The following MCU variants were observed in gnomAD, a reference collection of about 807,000 sequenced individuals.
MCU encodes the protein calcium uniporter protein, mitochondrial.
Under a neutral mutation model 45.2 loss-of-function variants are expected in MCU, and 12 were observed. The ratio of observed to expected loss-of-function variants is 0.27; its 90% confidence interval spans 0.17 to 0.43. The LOEUF is 0.43. Ranked by LOEUF, MCU falls within the 20% of genes least tolerant of loss-of-function variation. The pLI, the probability that MCU is intolerant of heterozygous loss-of-function variation, is 1.00. For missense variants in MCU, 324 were observed against 436.7 expected (o/e 0.74, Z 2.30); for synonymous variants, 160 against 165.1 (o/e 0.97, Z 0.24).
At chr10:72,725,040 C>T (rs1038931338) in intron 1 of MCU, among the ~76,000 whole-genome samples, 2 of 152,086 alleles carry the variant, frequency 1.3e-5, no homozygotes, top group Non-Finnish European at 2.9e-5. Flanking sequence ...GCTTACTCTC[C>T]TGAGCCTCGA....
chr10:72,707,457 C>T (rs1481867301), intron 1 of MCU, among the ~76,000 whole-genome samples: 2 of 152,138 alleles, frequency 1.3e-5, no homozygotes, highest in Non-Finnish European at 2.9e-5. Context: ...CCTCGGCCTC[C>T]CAAAGTCTGG....
At chr10:72,737,725 G>T (rs1358801322) in intron 1 of MCU, among the ~76,000 whole-genome samples, 1 of 151,900 alleles carries the variant, frequency 6.6e-6, no homozygotes, top group Non-Finnish European at 1.5e-5. Context: ...TCACCATGTC[G>T]GTCAGGCTGG....
At chr10:72,721,738 T>G (rs1336900941) in intron 1 of MCU, among the ~76,000 whole-genome samples, 1 of 152,222 alleles carries the variant, frequency 6.6e-6, no homozygotes, top group Non-Finnish European at 1.5e-5. Flanking sequence ...GATTTTAATA[T>G]ACACTACAGT....
chr10:72,778,124 C>CA (rs1843924281), intron 1 of MCU, among the ~76,000 whole-genome samples: 1 of 152,020 alleles, frequency 6.6e-6, no homozygotes, highest in Admixed American at 6.6e-5. Context: ...GGAGTTTCCT[C>CA]AAAAAACTAA....
chr10:72,698,271 T>C (rs1842714725), intron 1 of MCU, among the ~76,000 whole-genome samples: 1 of 152,140 alleles, frequency 6.6e-6, no homozygotes, highest in South Asian at 2.1e-4. Context: ...AGGCAATACA[T>C]TGGTAGGAAA....
chr10:72,871,277 C>G, intron 5 of MCU, 100 bp from the exon 6 acceptor site: 1 of 1,024,288 alleles, frequency 9.8e-7, no homozygotes, highest in Non-Finnish European at 1.5e-6. Context: ...AGACTTGTGT[C>G]TTGATGATGA....
intron 1 of MCU, among the ~76,000 whole-genome samples, chr10:72,695,899 C>T (rs1286590970): frequency 6.6e-6 from 1 of 151,638 alleles, no homozygotes; most frequent in East Asian, 1.9e-4. Flanking sequence ...TGCGGTGGCT[C>T]ACACCTGTAA....
At chr10:72,877,166 C>T (rs919745847) in intron 6 of MCU, among the ~76,000 whole-genome samples, 10 of 152,102 alleles carry the variant, frequency 6.6e-5, no homozygotes, top group African/African-American at 1.2e-4. Context: ...AGTGATCCTC[C>T]GCCTCAGCCT....
intron 1 of MCU, among the ~76,000 whole-genome samples, chr10:72,706,860 C>G (rs1308578413): frequency 7.1e-6 from 1 of 141,550 alleles, no homozygotes; most frequent in African/African-American, 2.7e-5. Context: ...GAGACAGTCT[C>G]ACTCTGTCGC....
intron 1 of MCU, among the ~76,000 whole-genome samples, chr10:72,751,397 C>T (rs1324760851): frequency 2.3e-5 from 3 of 132,458 alleles, no homozygotes; most frequent in South Asian, 2.4e-4. Flanking sequence ...TCTGTTTCCC[C>T]GGGCTAGAAT....
At chr10:72,810,107 T>C (rs1844516766) in intron 1 of MCU, among the ~76,000 whole-genome samples, 1 of 151,988 alleles carries the variant, frequency 6.6e-6, no homozygotes, top group Admixed American at 6.6e-5. Flanking sequence ...AAAGGAGCTA[T>C]TGAAGTTGGA....
intron 1 of MCU, among the ~76,000 whole-genome samples, chr10:72,744,420 C>T (rs996621860): frequency 6.6e-6 from 1 of 152,138 alleles, no homozygotes; most frequent in Non-Finnish European, 1.5e-5. Context: ...TTTTGGCTCA[C>T]TGGCCATAGC....
At chr10:72,775,765 C>G (rs906209585) in intron 1 of MCU, among the ~76,000 whole-genome samples, 2 of 152,092 alleles carry the variant, frequency 1.3e-5, no homozygotes, top group Non-Finnish European at 2.9e-5. Context: ...AATGGGAAAT[C>G]TAGAAGAAAA....
intron 4 of MCU, 135 bp from the exon 5 acceptor site, chr10:72,868,565 AAAG>A (rs1202768992): frequency 4.1e-6 from 3 of 738,442 alleles, no homozygotes; most frequent in South Asian, 2.1e-5. Context: ...AAAAAAAAAA[AAAG>A]AGAGCTATTA....
chr10:72,756,978 G>A (rs549580646), intron 1 of MCU: 1 of 150,046 alleles, frequency 6.7e-6, no homozygotes, highest in South Asian at 2.1e-4. Context: ...TATGGGTCCA[G>A]CCTGGATAAC....
Position 72,726,255 on chromosome 10 carries a change from A to ACGTG in MCU, c.150+33955_150+33958dup, listed in dbSNP as rs752515136. ...ACACATACTTCAGGCACACACACAC[A>ACGTG]CGTGTGTGTGTGTGTGTGTGTGTGT... On this transcript the variant is annotated intron_variant, in intron 1 of 7. Transcript: ENST00000373053. Among the ~76,000 whole-genome samples, 8 of 60,318 alleles carry ACGTG rather than the reference A, an allele frequency of 1.3e-4. No homozygotes were observed. In the South Asian group the frequency reaches 2.7e-3, roughly 20 times the overall value. 39.6% of individuals were successfully genotyped at this position (60,318 alleles called of 152,430 possible).
chr10:72,804,335 C>T (rs894269351), intron 1 of MCU, among the ~76,000 whole-genome samples: 16 of 151,622 alleles, frequency 1.1e-4, no homozygotes, highest in Admixed American at 6.6e-4. Flanking sequence ...GTGATCTGCC[C>T]GCCTTGGCCT....
intron 4 of MCU, 62 bp downstream of exon 4, chr10:72,860,589 T>C: frequency 7.7e-7 from 1 of 1,303,334 alleles, no homozygotes; most frequent in Non-Finnish European, 1.1e-6. Flanking sequence ...AATAACTTTA[T>C]TTTTTTTCCT....
chr10:72,760,712 C>CTTTTTTTTTTTT (rs1381226351), intron 1 of MCU: 4 of 116,812 alleles, frequency 3.4e-5, no homozygotes, highest in Non-Finnish European at 5.5e-5. Context: ...TTTTTTTTTT[C>CTTTTTTTTTTTT]TTTCTTTTTT....
Sources: gnomAD v4.1 joint callset for allele counts (sites outside exome capture counted in the v4.1 genomes callset) on GRCh38, gnomAD v4.1.1 for gene constraint, MANE v1.5 for transcripts, NCBI Gene and HGNC (gene_info 2026-07-23, HGNC 2026-07-21) for gene names.